The following RYR3 variants were observed in gnomAD, a reference collection of about 807,000 sequenced individuals.
The protein encoded by RYR3 is ryanodine receptor 3, also known as brain ryanodine receptor-calcium release channel.
In RYR3, 207 loss-of-function variants were observed where a neutral mutation model predicts 584.3. The ratio of observed to expected loss-of-function variants is 0.35; its 90% CI spans 0.32 to 0.40. RYR3 has a LOEUF of 0.40. Among genes scored for constraint, RYR3 ranks in the 10% least tolerant of loss-of-function variants. The pLI is 1.00. For missense variants in RYR3, 5,616 were observed against 6,089.2 expected (o/e 0.92, Z 2.59); for synonymous variants, 2,416 against 2,248.5 (o/e 1.07, Z -2.11).
intron 36 of RYR3, among the ~76,000 whole-genome samples, chr15:33,667,273 T>G (rs2063539137): frequency 6.6e-6 from 1 of 152,236 alleles, no homozygotes. Flanking sequence ...CCTCTGGTTA[T>G]TTCTTCTGTC....
At chr15:33,489,449 AC>A (rs1176337854) in intron 2 of RYR3, among the ~76,000 whole-genome samples, 1 of 152,220 alleles carries the variant, frequency 6.6e-6, no homozygotes, top group Non-Finnish European at 1.5e-5. Context: ...TTAAGTGAGA[AC>A]ATCAAGTATT....
intron 93 of RYR3, among the ~76,000 whole-genome samples, chr15:33,845,659 C>T (rs1418557044): frequency 6.6e-6 from 1 of 152,204 alleles, no homozygotes; most frequent in East Asian, 1.9e-4. Context: ...TTTCAGGTAC[C>T]TCTTGTTGAA....
chr15:33,706,407 G>C (rs780879536), intron 42 of RYR3, among the ~76,000 whole-genome samples: 1 of 152,004 alleles, frequency 6.6e-6, no homozygotes, highest in African/African-American at 2.4e-5. Flanking sequence ...CCTCCCCCAA[G>C]TCCCTGGCAA....
chr15:33,670,578 T>C, intron 38 of RYR3, 22 bp downstream of exon 38: 3 of 1,546,012 alleles, frequency 1.9e-6, no homozygotes, highest in Non-Finnish European at 2.6e-6. Flanking sequence ...TGCCTTTAAA[T>C]GACAGTGTGC....
intron 1 of RYR3, among the ~76,000 whole-genome samples, chr15:33,314,961 C>A (rs1365398992): frequency 2.0e-5 from 3 of 151,680 alleles, no homozygotes; most frequent in Non-Finnish European, 2.9e-5. Flanking sequence ...ACAACAACAA[C>A]AAAAAACGGA....
intron 12 of RYR3, among the ~76,000 whole-genome samples, chr15:33,578,594 CTA>C (rs2058420926): frequency 6.6e-6 from 1 of 151,906 alleles, no homozygotes; most frequent in Admixed American, 6.6e-5. Context: ...ACAACACACA[CTA>C]TGGCCTGTCG....
At chr15:33,683,460 A>G (rs1462987270) in intron 38 of RYR3, among the ~76,000 whole-genome samples, 1 of 152,230 alleles carries the variant, frequency 6.6e-6, no homozygotes, top group African/African-American at 2.4e-5. Context: ...GTATATTCAC[A>G]AGAAATAAGT....
chr15:33,540,474 A>G (rs1213740628), intron 6 of RYR3, among the ~76,000 whole-genome samples: 1 of 152,102 alleles, frequency 6.6e-6, no homozygotes, highest in Non-Finnish European at 1.5e-5. Flanking sequence ...AGTGTTGGGT[A>G]ATTTTTCCCA....
At chr15:33,533,229 T>C in intron 4 of RYR3, 82 bp from the exon 5 acceptor site, 1 of 927,020 alleles carries the variant, frequency 1.1e-6, no homozygotes, top group Admixed American at 2.0e-5. Flanking sequence ...ATTGTTGAAC[T>C]TAACTAGAAG....
intron 1 of RYR3, among the ~76,000 whole-genome samples, chr15:33,315,406 G>C (rs1258394426): frequency 1.3e-5 from 2 of 152,164 alleles, no homozygotes; most frequent in Non-Finnish European, 2.9e-5. Flanking sequence ...CAGGCTCTGG[G>C]TGCTAGTGAG....
At chr15:33,537,095 A>T (rs1749439081) in intron 5 of RYR3, among the ~76,000 whole-genome samples, 1 of 152,230 alleles carries the variant, frequency 6.6e-6, no homozygotes, top group Admixed American at 6.5e-5. Flanking sequence ...CACATAATAT[A>T]TTCTGACCAG....
rs545231345 is a variant in RYR3 at position 33,549,697 on chromosome 15, T to G, written c.816-463T>G. Among the ~76,000 whole-genome samples, 5 of 152,364 alleles carry G rather than the reference T, an allele frequency of 3.3e-5. No homozygotes were observed. In the South Asian group the frequency reaches 1.0e-3, roughly 32 times the overall value. On this transcript the variant is annotated intron_variant, in intron 9 of 103. Transcript: ENST00000634891. ...TTATTATGCTTGTTTGTTGTCTCTC[T>G]TTGTCTGGCAAGTGTAAGCTGTGCA... is the stretch of plus-strand genomic sequence containing the variant.
chr15:33,548,898 C>T (rs1181454490), intron 9 of RYR3, among the ~76,000 whole-genome samples: 2 of 152,096 alleles, frequency 1.3e-5, no homozygotes, highest in African/African-American at 4.8e-5. Context: ...TCTGATTTTC[C>T]TTCTCTGCCT....
chr15:33,814,869 C>G (rs1056811878), intron 74 of RYR3, among the ~76,000 whole-genome samples: 4 of 138,418 alleles, frequency 2.9e-5, no homozygotes, highest in African/African-American at 1.1e-4. Flanking sequence ...CTACTGCACT[C>G]TAGCCTGGGC....
At chr15:33,718,718 C>T (rs1596302329) in intron 43 of RYR3, among the ~76,000 whole-genome samples, 1 of 152,214 alleles carries the variant, frequency 6.6e-6, no homozygotes, top group East Asian at 1.9e-4. Context: ...GCTAACTGTC[C>T]CTGTGGTGGG....
In RYR3 at chr15:33,660,350, G is replaced by A. The variant is rs1279027798; in HGVS notation, c.4549G>A (p.Glu1517Lys). 5.0e-6 allele frequency: 8 copies of A among 1,592,200 alleles called. No homozygotes were observed. Among genetic ancestry groups the A allele is most frequent in the Admixed American group, 1.8e-5 (1 of 56,952 alleles). Residue 1517 changes from glutamate to lysine, a missense_variant, in exon 34 of 104, where the codon GAG becomes AAG. Coordinates refer to ENST00000634891, the MANE Select transcript of RYR3 (RefSeq NM_001036.6). ...FLKVETERVS[E>K]RHGWVVQCLE... ...GAAGGTGGAGACCGAGCGTGTGAGCGAGCGCCACGGCTGGGTGGTGCAGTG... is the reference window on the plus strand; with the variant it reads ...GAAGGTGGAGACCGAGCGTGTGAGCAAGCGCCACGGCTGGGTGGTGCAGTG...
At chr15:33,382,586 T>A (rs2041280116) in intron 1 of RYR3, among the ~76,000 whole-genome samples, 1 of 152,128 alleles carries the variant, frequency 6.6e-6, no homozygotes, top group Non-Finnish European at 1.5e-5. Flanking sequence ...CCTCCTAAAG[T>A]GCTGGGATTA....
chr15:33,544,437 A>G (rs1056301472), intron 8 of RYR3, among the ~76,000 whole-genome samples: 3 of 152,094 alleles, frequency 2.0e-5, no homozygotes, highest in African/African-American at 7.2e-5. Flanking sequence ...CCTTTTGTGT[A>G]ATGCCTACAG....
rs543981870 is a variant in RYR3, at chr15:33,663,791, A to G, written c.5619+54A>G. ...GTTCCTATGGAAGAACTTGAGACCTATGGAACAGGGCACATGAAACCTCTA... is the reference window on the plus strand; with the variant it reads ...GTTCCTATGGAAGAACTTGAGACCTGTGGAACAGGGCACATGAAACCTCTA... On this transcript the variant is annotated intron_variant, in intron 36 of 103. Transcript: ENST00000634891. The G allele has an allele frequency of 1.5e-5, 22 of 1,474,968 alleles. No individual in the cohort carries two copies. In the East Asian group the frequency reaches 4.2e-4, roughly 28 times the overall value. The allele number at this position is 1,474,968 out of a possible 1,614,324, so 91.4% of individuals were successfully genotyped here.
Sources: allele counts gnomAD v4.1 joint callset (sites outside exome capture counted in the v4.1 genomes callset), GRCh38; gene constraint gnomAD v4.1.1; transcripts MANE v1.5; gene names NCBI Gene and HGNC (gene_info 2026-07-23, HGNC 2026-07-21).